Variants in NOTCH1 observed in about 807,000 individuals in gnomAD.
The protein encoded by NOTCH1 is neurogenic locus notch homolog protein 1.
NOTCH1 carries 37 observed loss-of-function variants against 254.8 expected under a neutral mutation model. The observed-to-expected ratio is 0.15, with a 90% CI of 0.11 to 0.19. The LOEUF is 0.19. Among genes scored for constraint, NOTCH1 ranks in the 10% least tolerant of loss-of-function variants. The pLI is 1.00. For missense variants in NOTCH1, 2,972 were observed against 3,708.6 expected (o/e 0.80, Z 5.16); for synonymous variants, 1,731 against 1,618.1 (o/e 1.07, Z -1.68).
In NOTCH1 at chr9:136,500,667, C is replaced by A. The variant is rs897872809; in HGVS notation, c.5819G>T (p.Arg1940Leu). ...CAGCAGGCGCTTGGCGGCATCAGAG[C>A]GTGAGTAGCGGGCGGCCAGGTGCAA... is the stretch of plus-strand genomic sequence containing the variant. ...TALHLAARYS[R>L]SDAAKRLLEA... The change falls in exon 31 of 34, where the codon CGC becomes CTC. Residue 1940 changes from arginine (R) to leucine (L), a missense_variant. By Grantham distance (102) the Arg-to-Leu change is moderately radical. Coordinates refer to ENST00000651671, the MANE Select transcript of NOTCH1 (RefSeq NM_017617.5). The A allele has an allele frequency of 6.2e-7, 1 of 1,611,652 alleles. No individual in the cohort carries two copies. The highest frequency in any genetic ancestry group is 8.5e-7 in the Non-Finnish European group (1 of 1,179,896).
chr9:136,524,607 C>T (rs1843429158), intron 2 of NOTCH1, among the ~76,000 whole-genome samples: 1 of 151,638 alleles, frequency 6.6e-6, no homozygotes, highest in Admixed American at 6.6e-5. Flanking sequence ...TGGATCAGCC[C>T]CTTCCTACGT....
intron 17 of NOTCH1, chr9:136,510,444 G>A (rs1250214502): frequency 1.9e-5 from 12 of 640,470 alleles, no homozygotes; most frequent in East Asian, 5.5e-5. Context: ...ACTCTTCCGC[G>A]AAGTGCAGGG....
At position 136,507,366 on chromosome 9, in the gene NOTCH1, G is replaced by T. The variant is rs746547529; in HGVS notation, c.3582C>A (p.Asn1194Lys). 2 of 1,612,774 alleles carry T rather than the reference G, an allele frequency of 1.2e-6. No individual in the cohort carries two copies. Among genetic ancestry groups the T allele is most frequent in the South Asian group, 2.2e-5 (2 of 91,046 alleles). ...TGGGGAGGTCGAGGCAGGTGCCCCC[G>T]TTCTGGCAGGGGTGGGAGAGGCACT... The part of the protein sequence containing the change: ...IDECLSHPCQ[N>K]GGTCLDLPNT... Residue 1194 changes from asparagine (N) to lysine (K), a missense_variant, in exon 22 of 34, where the codon AAC becomes AAA. Transcript: ENST00000651671.
At chr9:136,509,325 T>A (rs756051162) in intron 18 of NOTCH1, among the ~76,000 whole-genome samples, 1 of 152,102 alleles carries the variant, frequency 6.6e-6, no homozygotes, top group Non-Finnish European at 1.5e-5. Context: ...CGCGTGGGCA[T>A]AGGGTGGTTA....
In NOTCH1 at chr9:136,507,447, C is replaced by T. The variant is rs139838537; in HGVS notation, c.3511-10G>A. ...GGTAGCCGGCCACGCACTGTGCAGG[C>T]GACAGAACGAGGGGCCCTTCGGCTC... On this transcript the variant is annotated splice_polypyrimidine_tract_variant and intron_variant, in intron 21 of 33. Transcript: ENST00000651671. 3,297 of 1,597,334 alleles carry T rather than the reference C, an allele frequency of 2.1e-3. 30 individuals carry two copies. The highest frequency in any genetic ancestry group is 0.012 in the South Asian group (1,043 of 88,854).
rs1319083586 is a variant in NOTCH1, at chr9:136,515,268, C to T, written c.2014+22G>A. ...GACCTCTGAGCACAGTGCAGTCAGC[C>T]CCCACGTGCAGGGCCGCTCACCTGT... On this transcript the variant is annotated intron_variant, in intron 12 of 33. Transcript: ENST00000651671. 1.9e-6 allele frequency: 3 copies of T among 1,606,506 alleles called. No homozygotes were observed. In the Admixed American group the frequency reaches 5.0e-5, roughly 27 times the overall value.
chr9:136,522,202 C>G (rs1843379569), intron 4 of NOTCH1, among the ~76,000 whole-genome samples: 1 of 152,184 alleles, frequency 6.6e-6, no homozygotes. Flanking sequence ...TGGTCTCCAT[C>G]TCCTGACCTT....
rs776434359 is a variant in NOTCH1 at position 136,514,718 on chromosome 9, G to C, written c.2015-16C>G. On this transcript the variant is annotated splice_polypyrimidine_tract_variant and intron_variant, in intron 12 of 33. Coordinates refer to ENST00000651671, the MANE Select transcript of NOTCH1 (RefSeq NM_017617.5). ...CACATGCTCCCTAAGGGCAGGGCGG[G>C]TCAGACTCCGAGGCCCAGCGCCCAG... 6.2e-7 allele frequency: 1 copy of C among 1,610,220 alleles called. No homozygotes were observed. Among genetic ancestry groups the C allele is most frequent in the South Asian group, 1.1e-5 (1 of 90,560 alleles).
chr9:136,530,338 G>A (rs985322896), intron 2 of NOTCH1, among the ~76,000 whole-genome samples: 1 of 152,254 alleles, frequency 6.6e-6, no homozygotes, highest in Admixed American at 6.5e-5. Flanking sequence ...CTGGCTCCGG[G>A]GAAACCCTTT....
Position 136,513,684 on chromosome 9 carries a change from C to T in NOTCH1, c.2208-147G>A, listed in dbSNP as rs928605677. 19 of 858,086 alleles carry T rather than the reference C, an allele frequency of 2.2e-5. No homozygotes were observed. Among genetic ancestry groups the T allele is most frequent in the South Asian group, 1.7e-4 (11 of 64,014 alleles). 53.2% of individuals were successfully genotyped at this position (858,086 alleles called of 1,614,324 possible). ...AGTCCTTTAGTGGGGGCAGGCTGGGCGCTGTGGCTCACACCTGTAATCCCA... is the reference window on the plus strand; with the variant it reads ...AGTCCTTTAGTGGGGGCAGGCTGGGTGCTGTGGCTCACACCTGTAATCCCA... On this transcript the variant is annotated intron_variant, in intron 13 of 33. Transcript: ENST00000651671. This position sits in a 1 kb window ranked among gnomAD's most constrained non-coding sequence, Gnocchi z 4.7.
At chr9:136,523,690 C>T (rs374923061) in intron 3 of NOTCH1, 27 bp downstream of exon 3, 479 of 1,584,766 alleles carry the variant, frequency 3.0e-4, no homozygotes, top group Non-Finnish European at 3.6e-4. Context: ...GGTCTGCCCA[C>T]CCCTCAGGCT....
intron 17 of NOTCH1, 157 bp downstream of exon 17, chr9:136,510,496 C>T: frequency 1.0e-6 from 1 of 986,098 alleles, no homozygotes; most frequent in Non-Finnish European, 1.5e-6. Context: ...CCACCCTGGC[C>T]ATCCCTCAGC....
rs75338406 is a variant in NOTCH1, at chr9:136,540,486, A to G, written c.140+3538T>C. The stretch of plus-strand genomic sequence containing the variant: ...TCACTCGTCAATCAATTAAACATTC[A>G]GGAAGGAGGCTCTGGAAACCAGCAC... On this transcript the variant is annotated intron_variant, in intron 2 of 33. Transcript: ENST00000651671. This position sits in a 1 kb window ranked among gnomAD's most constrained non-coding sequence, Gnocchi z 4.4. Among the ~76,000 whole-genome samples the G allele has an allele frequency of 5.8e-3, 879 of 152,276 alleles. 11 individuals carry two copies. Among genetic ancestry groups the G allele is most frequent in the African/African-American group, 0.02 (838 of 41,568 alleles).
In NOTCH1 at chr9:136,500,753, G is replaced by T. The variant is rs61751534; in HGVS notation, c.5733C>A (p.Ser1911=). Reference sequence around the variant, plus strand: ...GGCTGGCGCCCTGGTAGATGAAGTCGGAGATGACGGCCGGCGCGTCCTCCT... The same window carrying T: ...GGCTGGCGCCCTGGTAGATGAAGTCTGAGATGACGGCCGGCGCGTCCTCCT... ...EEEEDAPAVI[S]DFIYQGASLH... The change falls in exon 31 of 34, where the codon TCC becomes TCA. Residue 1911 remains serine (S), a synonymous_variant. Transcript: ENST00000651671. 1.9e-6 allele frequency: 3 copies of T among 1,605,614 alleles called. No individual in the cohort carries two copies. The highest frequency in any genetic ancestry group is 2.5e-6 in the Non-Finnish European group (3 of 1,179,862).
rs1260932753 is a variant in NOTCH1 at position 136,515,332 on chromosome 9, T to C, written c.1972A>G (p.Lys658Glu). 19 of 1,612,924 alleles carry C rather than the reference T, an allele frequency of 1.2e-5. No homozygotes were observed. Among genetic ancestry groups the C allele is most frequent in the Middle Eastern group, 3.3e-4 (2 of 6,084 alleles). ...SPCDSGTCLD[K>E]IDGYECACEP... ...CAGGCACACTCGTAGCCATCGATCT[T>C]GTCCAGACAGGTGCCCGAGTCGCAG... Residue 658 changes from lysine (K) to glutamate (E), a missense_variant, in exon 12 of 34, where the codon AAG becomes GAG. Lys to Glu is a moderately conservative substitution (Grantham distance 56, BLOSUM62 1). Transcript: ENST00000651671.
chr9:136,543,731 G>A (rs771872813), intron 2 of NOTCH1: 1 of 550,794 alleles, frequency 1.8e-6, no homozygotes, highest in South Asian at 2.0e-5. Flanking sequence ...TGTTTCTTGG[G>A]GACTTAAAGA....
chr9:136,534,051 G>C (rs919854054), intron 2 of NOTCH1, among the ~76,000 whole-genome samples: 2 of 152,222 alleles, frequency 1.3e-5, no homozygotes, highest in Non-Finnish European at 2.9e-5. Context: ...TTGTCATCTC[G>C]GCACGAGGGC....
chr9:136,539,263 G>T (rs1843698146), intron 2 of NOTCH1, among the ~76,000 whole-genome samples: 1 of 152,206 alleles, frequency 6.6e-6, no homozygotes, highest in African/African-American at 2.4e-5. Context: ...CTGCCCCAAG[G>T]AGCCAGCTTC....
At chr9:136,502,533 C>T (rs773009234) in intron 27 of NOTCH1, 45 bp from the exon 28 acceptor site, 16 of 1,344,902 alleles carry the variant, frequency 1.2e-5, no homozygotes, top group African/African-American at 5.9e-5. Context: ...CATCAGGCAG[C>T]GGCTACGCAG....
Sources: gnomAD v4.1 joint callset for allele counts (sites outside exome capture counted in the v4.1 genomes callset) on GRCh38, gnomAD v4.1.1 for gene constraint, Gnocchi (gnomAD v3.1) non-coding constraint, MANE v1.5 for transcripts, NCBI Gene and HGNC (gene_info 2026-07-23, HGNC 2026-07-21) for gene names.